Variants in PTPRK observed in about 807,000 individuals in gnomAD.
The protein encoded by PTPRK is receptor-type tyrosine-protein phosphatase kappa.
Under a neutral mutation model 178.0 loss-of-function variants are expected in PTPRK, and 75 were observed. The observed-to-expected ratio is 0.42, with a 90% confidence interval of 0.35 to 0.51. PTPRK has a LOEUF of 0.51. Ranked by LOEUF, PTPRK falls within the 20% of genes least tolerant of loss-of-function variation. The pLI is 0.02. For synonymous variants in PTPRK, 637 were observed against 620.6 expected (o/e 1.03, Z -0.39); for missense variants, 1,441 against 1,797.8 (o/e 0.80, Z 3.59).
At chr6:128,126,137 T>C (rs1410137538) in intron 7 of PTPRK, among the ~76,000 whole-genome samples, 1 of 151,976 alleles carries the variant, frequency 6.6e-6, no homozygotes, top group Non-Finnish European at 1.5e-5. Flanking sequence ...ACCATGGTGG[T>C]TGGCTGCACC....
At chr6:128,115,995 C>G (rs1160404769) in intron 7 of PTPRK, among the ~76,000 whole-genome samples, 1 of 152,072 alleles carries the variant, frequency 6.6e-6, no homozygotes, top group African/African-American at 2.4e-5. Context: ...CTAAAGCCCT[C>G]CTTAACATTC....
At chr6:128,196,644 G>A (rs1267675060) in intron 6 of PTPRK, among the ~76,000 whole-genome samples, 1 of 152,040 alleles carries the variant, frequency 6.6e-6, no homozygotes, top group East Asian at 1.9e-4. Context: ...GAAATTTCCA[G>A]GCTAGTAAAA....
At position 128,322,022 on chromosome 6, in the gene PTPRK, A is replaced by G; in HGVS notation, c.495+17T>C. The stretch of plus-strand genomic sequence containing the variant: ...TGATGACATCAAAACATACACCAGA[A>G]AAGTACAGATGATTACCTGATATTC... On this transcript the variant is annotated intron_variant, in intron 3 of 29. Transcript: ENST00000368226. The G allele has an allele frequency of 6.2e-7, 1 of 1,613,810 alleles. No homozygotes were observed. The highest frequency in any genetic ancestry group is 8.5e-7 in the Non-Finnish European group (1 of 1,179,880).
At chr6:128,048,978 T>G (rs1423064406) in intron 13 of PTPRK, among the ~76,000 whole-genome samples, 1 of 152,138 alleles carries the variant, frequency 6.6e-6, no homozygotes, top group Non-Finnish European at 1.5e-5. Context: ...TGGTATACTA[T>G]GGACATAAAA....
chr6:127,975,575 G>C (rs370135317), intron 27 of PTPRK, among the ~76,000 whole-genome samples: 4 of 152,240 alleles, frequency 2.6e-5, no homozygotes, highest in East Asian at 3.9e-4. Flanking sequence ...AAAAAACAGA[G>C]TAATGTTTCT....
At chr6:128,139,481 A>C (rs1795467671) in intron 7 of PTPRK, among the ~76,000 whole-genome samples, 1 of 152,062 alleles carries the variant, frequency 6.6e-6, no homozygotes, top group Non-Finnish European at 1.5e-5. Flanking sequence ...CCCTACTGAG[A>C]ACCTAGATAC....
At chr6:128,158,587 C>T (rs1201721132) in intron 7 of PTPRK, among the ~76,000 whole-genome samples, 1 of 151,858 alleles carries the variant, frequency 6.6e-6, no homozygotes, top group Non-Finnish European at 1.5e-5. Flanking sequence ...CCACAATACA[C>T]AGACACTTCA....
chr6:128,428,165 T>C (rs1389944358), intron 1 of PTPRK, among the ~76,000 whole-genome samples: 1 of 152,182 alleles, frequency 6.6e-6, no homozygotes, highest in African/African-American at 2.4e-5. Flanking sequence ...TGAGAATCTG[T>C]GGACACTGTG....
chr6:128,089,116 C>G (rs73584667), intron 8 of PTPRK, among the ~76,000 whole-genome samples: 4,339 of 152,224 alleles, frequency 0.029, 205 homozygotes, highest in African/African-American at 0.099. Flanking sequence ...GCACCCGCCA[C>G]CACACCCAGT....
chr6:127,983,305 A>C lies in PTPRK; in HGVS notation c.3324T>G (p.Val1108=). The C allele has an allele frequency of 6.2e-7, 1 of 1,613,704 alleles. No homozygotes were observed. Residue 1108 remains valine, a synonymous_variant, in exon 23 of 30, where the codon GTT becomes GTG. Coordinates refer to ENST00000368226, the MANE Select transcript of PTPRK (RefSeq NM_002844.4). ...IMLDMAEREG[V]VDIYNCVKAL... ...CTTTGACACAATTGTAAATATCAAC[A>C]ACACCCTCTCTTTCAGCCATGTCTA...
At chr6:128,186,435 CAT>C (rs1170296474) in intron 6 of PTPRK, among the ~76,000 whole-genome samples, 1 of 152,014 alleles carries the variant, frequency 6.6e-6, no homozygotes, top group African/African-American at 2.4e-5. Context: ...AAGATGATAA[CAT>C]ATGCTATATG....
intron 3 of PTPRK, among the ~76,000 whole-genome samples, chr6:128,298,959 A>C (rs1464353262): frequency 1.3e-5 from 2 of 152,198 alleles, no homozygotes; most frequent in African/African-American, 4.8e-5. Context: ...ATGATTGTAT[A>C]CCTAGAAAAC....
At chr6:128,430,652 TAAAC>T (rs1404453963) in intron 1 of PTPRK, among the ~76,000 whole-genome samples, 2 of 152,100 alleles carry the variant, frequency 1.3e-5, no homozygotes, top group Admixed American at 6.6e-5. Flanking sequence ...TAAAAAATAA[TAAAC>T]AAGAAAAGTC....
At chr6:128,518,072 G>T (rs1282910491) in intron 1 of PTPRK, among the ~76,000 whole-genome samples, 2 of 152,152 alleles carry the variant, frequency 1.3e-5, no homozygotes, top group African/African-American at 4.8e-5. Flanking sequence ...CTTATAATTT[G>T]TGGAGAAAGG....
At chr6:128,302,859 TA>T (rs1825851299) in intron 3 of PTPRK, among the ~76,000 whole-genome samples, 1 of 152,096 alleles carries the variant, frequency 6.6e-6, no homozygotes, top group Non-Finnish European at 1.5e-5. Context: ...TCCTAACCCT[TA>T]AATATTCAAA....
chr6:128,045,922 C>T (rs949057208), intron 13 of PTPRK, among the ~76,000 whole-genome samples: 15 of 152,078 alleles, frequency 9.9e-5, no homozygotes, highest in Non-Finnish European at 1.6e-4. Flanking sequence ...TTTTATTCTA[C>T]TCCAGTTTTT....
intron 3 of PTPRK, among the ~76,000 whole-genome samples, chr6:128,286,621 G>A (rs1340754869): frequency 1.3e-5 from 2 of 152,058 alleles, no homozygotes; most frequent in Non-Finnish European, 2.9e-5. Flanking sequence ...CCTTTTGCAG[G>A]TATGTTTCCA....
intron 3 of PTPRK, among the ~76,000 whole-genome samples, chr6:128,283,306 T>C (rs1045588686): frequency 1.3e-5 from 2 of 152,212 alleles, no homozygotes; most frequent in African/African-American, 4.8e-5. Context: ...GAGTCCATTC[T>C]AGTCAACAAA....
intron 7 of PTPRK, among the ~76,000 whole-genome samples, chr6:128,127,123 CTGATA>C (rs749259939): frequency 3.9e-5 from 6 of 152,136 alleles, no homozygotes; most frequent in Non-Finnish European, 8.8e-5. Context: ...TCTGGGTTTT[CTGATA>C]TATTTCATTG....
Sources: gnomAD v4.1 joint callset for allele counts (sites outside exome capture counted in the v4.1 genomes callset) on GRCh38, gnomAD v4.1.1 for gene constraint, MANE v1.5 for transcripts, NCBI Gene and HGNC (gene_info 2026-07-23, HGNC 2026-07-21) for gene names.